DOCK2: variants seen among roughly 807,000 people sequenced by gnomAD.
DOCK2 encodes the protein dedicator of cytokinesis 2.
In DOCK2, 87 loss-of-function variants were observed where a neutral mutation model predicts 248.9. The observed-to-expected ratio is 0.35, with a 90% CI of 0.29 to 0.42. The LOEUF (loss-of-function observed/expected upper bound fraction) is 0.42, where lower values mean the gene tolerates loss of function less well. DOCK2 is among the 10% of genes least tolerant of loss of function. The pLI, the probability that DOCK2 is intolerant of heterozygous loss-of-function variation, is 1.00. For missense variants in DOCK2, 1,747 were observed against 2,300.2 expected (o/e 0.76, Z 4.92); for synonymous variants, 805 against 821.6 (o/e 0.98, Z 0.35).
At chr5:169,846,683 T>C (rs1050017628) in intron 27 of DOCK2, among the ~76,000 whole-genome samples, 1 of 152,002 alleles carries the variant, frequency 6.6e-6, no homozygotes, top group African/African-American at 2.4e-5. Context: ...CACACACACA[T>C]ATATATACAT....
At chr5:169,689,205 A>C (rs1419119146) in intron 8 of DOCK2, 47 bp from the exon 9 acceptor site, 2 of 1,585,704 alleles carry the variant, frequency 1.3e-6, no homozygotes, top group African/African-American at 1.3e-5. Flanking sequence ...GACTAAATGG[A>C]TGTCAGGTCC....
chr5:170,004,909 G>T, intron 30 of DOCK2, among the ~76,000 whole-genome samples: 1 of 133,914 alleles, frequency 7.5e-6, no homozygotes, highest in East Asian at 2.3e-4. Flanking sequence ...ACACTCTGGG[G>T]ACTGTGGTGG....
At chr5:170,039,816 G>T (rs1756454037) in intron 36 of DOCK2, among the ~76,000 whole-genome samples, 1 of 152,166 alleles carries the variant, frequency 6.6e-6, no homozygotes. Context: ...GTGGGTCAGG[G>T]TAGAATGCTG....
chr5:169,790,776 A>T (rs1459783807), intron 25 of DOCK2, among the ~76,000 whole-genome samples: 2 of 152,200 alleles, frequency 1.3e-5, no homozygotes, highest in Non-Finnish European at 2.9e-5. Context: ...TGAAAGAGTC[A>T]TTCTCATCTC....
intron 29 of DOCK2, among the ~76,000 whole-genome samples, chr5:169,991,247 A>G (rs1053789264): frequency 7.9e-5 from 12 of 152,324 alleles, no homozygotes; most frequent in Non-Finnish European, 1.2e-4. Context: ...GCCTCCTGAC[A>G]CCAGGATTTG....
rs1186134665 is a variant in DOCK2 at position 169,698,461 on chromosome 5, C to G, written c.1055+12C>G. The G allele has an allele frequency of 9.9e-6, 16 of 1,613,564 alleles. No individual in the cohort carries two copies. Among genetic ancestry groups the G allele is most frequent in the Non-Finnish European group, 1.1e-5 (13 of 1,179,674 alleles). On this transcript the variant is annotated intron_variant, in intron 11 of 51. Transcript: ENST00000520908. ...ATTCCTTTTCACCCGTAAGACATTT[C>G]CCATTTCTTTCCATTCTCTTCAACC...
At chr5:170,045,989 C>T in intron 39 of DOCK2, 84 bp downstream of exon 39, 1 of 1,286,206 alleles carries the variant, frequency 7.8e-7, no homozygotes, top group Non-Finnish European at 1.1e-6. Flanking sequence ...GGGAGATGGG[C>T]ATGAGGGCCA....
chr5:170,019,174 A>T, intron 33 of DOCK2, 66 bp downstream of exon 33: 1 of 1,607,216 alleles, frequency 6.2e-7, no homozygotes, highest in South Asian at 1.1e-5. Context: ...CCATAATGAT[A>T]TCCTCATTCC....
Position 169,953,053 on chromosome 5 carries a change from G to T in DOCK2, c.2800-30015G>T, listed in dbSNP as rs189787114. ...AAAAGAGAATTTGGGGCCAGGCACGGTGGCTCATACCTGTAATCCCAGCAC... is the reference window on the plus strand; with the variant it reads ...AAAAGAGAATTTGGGGCCAGGCACGTTGGCTCATACCTGTAATCCCAGCAC... On this transcript the variant is annotated intron_variant, in intron 27 of 51. Transcript: ENST00000520908. Among the ~76,000 whole-genome samples the T allele has an allele frequency of 3.0e-4, 45 of 152,332 alleles. No individual in the cohort carries two copies. In the East Asian group the frequency reaches 3.1e-3, roughly 10 times the overall value.
chr5:170,078,458 C>T (rs534609677), intron 48 of DOCK2, among the ~76,000 whole-genome samples: 2 of 152,324 alleles, frequency 1.3e-5, no homozygotes, highest in South Asian at 2.1e-4. Flanking sequence ...ATTCACCCTG[C>T]CCAACTCATC....
At chr5:169,776,890 ATC>A (rs369650637) in intron 25 of DOCK2, among the ~76,000 whole-genome samples, 314 of 152,336 alleles carry the variant, frequency 2.1e-3, no homozygotes, top group African/African-American at 6.9e-3. Flanking sequence ...AGTCAGTTAA[ATC>A]TCTTTCCTTT....
At chr5:169,881,425 G>A (rs1772640335) in intron 27 of DOCK2, 2 of 1,551,380 alleles carry the variant, frequency 1.3e-6, no homozygotes, top group African/African-American at 1.4e-5. Context: ...ATCTTGGCCA[G>A]TTCGATAAAA....
intron 6 of DOCK2, among the ~76,000 whole-genome samples, chr5:169,680,425 C>T (rs952923718): frequency 2.6e-5 from 4 of 152,176 alleles, no homozygotes; most frequent in African/African-American, 9.7e-5. Flanking sequence ...AGCTTGTGGC[C>T]TGGAAGTCAA....
At chr5:170,015,065 C>T (rs1755462855) in intron 32 of DOCK2, among the ~76,000 whole-genome samples, 1 of 152,136 alleles carries the variant, frequency 6.6e-6, no homozygotes, top group South Asian at 2.1e-4. Context: ...CTGAAAATTT[C>T]CATGAAATGC....
intron 27 of DOCK2, among the ~76,000 whole-genome samples, chr5:169,880,035 T>C (rs1772546496): frequency 6.6e-6 from 1 of 152,198 alleles, no homozygotes; most frequent in Admixed American, 6.5e-5. Flanking sequence ...TTTTGTCCCT[T>C]CTAATGATTA....
chr5:170,080,212 C>T lies in DOCK2; in HGVS notation c.5216C>T (p.Ala1739Val), dbSNP rs746230074. Residue 1739 changes from alanine (A) to valine (V), a missense_variant, in exon 50 of 52, where the codon GCG becomes GTG. Around this residue, in one of 4 missense-constraint regions of DOCK2, gnomAD observed 513 missense variants for 586.1 expected, o/e 0.88. Coordinates refer to ENST00000520908, the MANE Select transcript of DOCK2 (RefSeq NM_004946.3). Reference protein sequence around the residue: ...FMSDTNLSEHAAIPLKASVLS... With the variant: ...FMSDTNLSEHVAIPLKASVLS... ...AGTGACACCAACCTCTCGGAGCATG[C>T]GGCCATCCCCCTCAAGGCGTCTGTC... 28 of 1,614,088 alleles carry T rather than the reference C, an allele frequency of 1.7e-5. No homozygotes were observed. Among genetic ancestry groups the T allele is most frequent in the South Asian group, 3.3e-5 (3 of 91,074 alleles).
At chr5:169,821,533 G>T (rs1262716038) in intron 26 of DOCK2, among the ~76,000 whole-genome samples, 2 of 152,072 alleles carry the variant, frequency 1.3e-5, no homozygotes, top group East Asian at 1.9e-4. Context: ...CTTCATAAGT[G>T]AAGGAGAAAT....
chr5:170,026,185 C>A (rs966686091), intron 33 of DOCK2, among the ~76,000 whole-genome samples: 18 of 152,122 alleles, frequency 1.2e-4, no homozygotes, highest in African/African-American at 4.1e-4. Flanking sequence ...GAGGGAAGAG[C>A]AAATGTGGTC....
intron 26 of DOCK2, among the ~76,000 whole-genome samples, chr5:169,834,657 A>T (rs1192760768): frequency 6.8e-6 from 1 of 147,720 alleles, no homozygotes; most frequent in Non-Finnish European, 1.5e-5. Flanking sequence ...CACAGACCAC[A>T]AGTCCTACTC....
Sources: gnomAD v4.1 joint callset for allele counts (sites outside exome capture counted in the v4.1 genomes callset) on GRCh38, gnomAD v4.1.1 for gene constraint, gnomAD v4.1.1 regional missense constraint, MANE v1.5 for transcripts, NCBI Gene and HGNC (gene_info 2026-07-23, HGNC 2026-07-21) for gene names.